ZNF26: variants seen among roughly 807,000 people sequenced by gnomAD.
ZNF26 encodes the protein epididymis luminal protein 179.
ZNF26 carries 32 observed loss-of-function variants against 54.9 expected under a neutral mutation model. The ratio of observed to expected loss-of-function variants is 0.58; its 90% CI spans 0.44 to 0.78. The LOEUF is 0.78. Among genes scored for constraint, ZNF26 ranks in the 30% least tolerant of loss-of-function variants. ZNF26 has a pLI of 0.00. For missense variants in ZNF26, 524 were observed against 634.0 expected, an observed-to-expected ratio of 0.83 and a Z score of 1.86; for synonymous variants, 221 against 209.2, an observed-to-expected ratio of 1.06 and a Z score of -0.49.
intron 1 of ZNF26, chr12:133,006,219 G>A: frequency 1.0e-6 from 1 of 985,438 alleles, no homozygotes; most frequent in Non-Finnish European, 1.2e-6. Flanking sequence ...GTAAGGTGGA[G>A]CAAGAGATGG....
At position 133,001,659 on chromosome 12, in the gene ZNF26, A is replaced by G; in HGVS notation, c.34-5383A>G. 2 of 1,288,980 alleles carry G rather than the reference A, an allele frequency of 1.6e-6. No homozygotes were observed. Among genetic ancestry groups the G allele is most frequent in the Non-Finnish European group, 2.0e-6 (2 of 988,614 alleles). The allele number at this position is 1,288,980 out of a possible 1,614,324, so 79.8% of individuals were successfully genotyped here. On this transcript the variant is annotated intron_variant, in intron 1 of 3. Transcript: ENST00000328654. The surrounding 1 kb of genome is among the most constrained non-coding windows in gnomAD (Gnocchi z 4.7). ...TAGTGCTGCTGAGGAGGAGCCTGCT[A>G]ATGAGCTCAAGTGTCAAGTTCGGGA...
rs1593676054 is a variant in ZNF26 at position 133,015,153 on chromosome 12, A to C, written c.*3672A>C. The C allele has an allele frequency of 6.6e-6, 1 of 151,880 alleles. No individual in the cohort carries two copies. The highest frequency in any genetic ancestry group is 2.4e-5 in the African/African-American group (1 of 41,352). 9.4% of individuals were successfully genotyped at this position (151,880 alleles called of 1,614,324 possible). ...GGTGGATCACAAGGTCGGGAGTTCG[A>C]GTTCAGCCTGGCCAATATGGTGAAA... On this transcript the variant is annotated 3_prime_UTR_variant, in exon 4 of 4. Coordinates refer to ENST00000328654, the MANE Select transcript of ZNF26 (RefSeq NM_019591.4).
chr12:133,000,376 C>T (rs1953185135), intron 1 of ZNF26, among the ~76,000 whole-genome samples: 4 of 151,396 alleles, frequency 2.6e-5, no homozygotes, highest in South Asian at 4.2e-4. Context: ...CTCAGCCTCC[C>T]GAGTAGTGGG....
At chr12:133,000,590 A>T (rs1369236003) in intron 1 of ZNF26, among the ~76,000 whole-genome samples, 1 of 151,950 alleles carries the variant, frequency 6.6e-6, no homozygotes, top group Non-Finnish European at 1.5e-5. Context: ...ACACCCAGCT[A>T]ATTTTTTGTA....
chr12:133,005,739 G>A (rs1386149696), intron 1 of ZNF26: 2 of 152,212 alleles, frequency 1.3e-5, no homozygotes. Flanking sequence ...CTGGCATGCT[G>A]TCTGTCTCTC....
rs1402782967 is a variant in ZNF26, at chr12:133,024,995, A to G, written c.*13514A>G. ...TTGCTCAGGAAGGAGGTTGAGAAGG[A>G]TACTCACTTGCAAACATGGTCACAT... On this transcript the variant is annotated 3_prime_UTR_variant, in exon 4 of 4. Coordinates refer to ENST00000328654, the MANE Select transcript of ZNF26 (RefSeq NM_019591.4). 1 of 152,226 alleles carries G rather than the reference A, an allele frequency of 6.6e-6. No homozygotes were observed. The highest frequency in any genetic ancestry group is 2.4e-5 in the African/African-American group (1 of 41,454). 9.4% of individuals were successfully genotyped at this position (152,226 alleles called of 1,614,324 possible).
chr12:133,010,658 G>A lies in ZNF26; in HGVS notation c.779G>A (p.Cys260Tyr). 1 of 1,614,160 alleles carries A rather than the reference G, an allele frequency of 6.2e-7. No homozygotes were observed. Among genetic ancestry groups the A allele is most frequent in the South Asian group, 1.1e-5 (1 of 91,092 alleles). ...CACACAGGAGGGAAACCCTATGGCT[G>A]CAGTGAATGTGGGAAAGCCTACAGT... is the stretch of plus-strand genomic sequence containing the variant. ...EIHTGGKPYG[C>Y]SECGKAYSWK... The change falls in exon 4 of 4, where the codon TGC becomes TAC. Residue 260 changes from cysteine to tyrosine, a missense_variant. Physicochemically the swap from Cys to Tyr is radical, Grantham distance 194. Transcript: ENST00000328654.
intron 1 of ZNF26, among the ~76,000 whole-genome samples, chr12:132,992,023 C>T (rs1230918736): frequency 6.6e-6 from 1 of 151,998 alleles, no homozygotes; most frequent in African/African-American, 2.4e-5. Flanking sequence ...TGGTGCGTGC[C>T]TGTAGGCCTG....
chr12:133,010,070 C>T (rs1243127339), intron 3 of ZNF26, 66 bp from the exon 4 acceptor site: 1 of 1,480,970 alleles, frequency 6.8e-7, no homozygotes, highest in African/African-American at 1.4e-5. Flanking sequence ...AGTCCTAATA[C>T]TGTTTAATTC....
chr12:132,996,455 A>G (rs940095991), intron 1 of ZNF26, among the ~76,000 whole-genome samples: 2 of 152,220 alleles, frequency 1.3e-5, no homozygotes, highest in Admixed American at 1.3e-4. Context: ...TTTAAAAAAG[A>G]TAAGAGTATT....
chr12:133,003,065 C>T (rs1422995161), intron 1 of ZNF26, among the ~76,000 whole-genome samples: 2 of 152,044 alleles, frequency 1.3e-5, no homozygotes, highest in African/African-American at 4.8e-5. Flanking sequence ...ACAGTTCACA[C>T]CTCATTCTCA....
chr12:133,011,538 GACAGGA>G lies in ZNF26; in HGVS notation c.*58_*63del. 2.0e-6 allele frequency: 3 copies of G among 1,476,476 alleles called. No homozygotes were observed. Among genetic ancestry groups the G allele is most frequent in the South Asian group, 1.5e-5 (1 of 65,020 alleles). The allele number at this position is 1,476,476 out of a possible 1,614,324, so 91.5% of individuals were successfully genotyped here. On this transcript the variant is annotated 3_prime_UTR_variant, in exon 4 of 4. Coordinates refer to ENST00000328654, the MANE Select transcript of ZNF26 (RefSeq NM_019591.4). ...TGTTCAGGAGACTTCGGATAATATA[GACAGGA>G]TTTACAAGCAGGAGGCCCTAAAATT... is the stretch of plus-strand genomic sequence containing the variant.
chr12:132,988,679 A>G (rs201133247), intron 1 of ZNF26, among the ~76,000 whole-genome samples: 2 of 152,170 alleles, frequency 1.3e-5, no homozygotes, highest in Non-Finnish European at 2.9e-5. Flanking sequence ...ACTTGCTGGG[A>G]TTTTAACTGA....
At chr12:133,000,720 G>A (rs111844292) in intron 1 of ZNF26, among the ~76,000 whole-genome samples, 2,115 of 151,934 alleles carry the variant, frequency 0.014, 41 homozygotes, top group African/African-American at 0.048. Flanking sequence ...CACTGTGCCC[G>A]GCCTAATTTT....
chr12:132,990,532 G>T (rs1045340077), intron 1 of ZNF26, among the ~76,000 whole-genome samples: 1 of 152,048 alleles, frequency 6.6e-6, no homozygotes, highest in South Asian at 2.1e-4. Context: ...TCTGGTTTTG[G>T]TATTAGAGCG....
intron 1 of ZNF26, chr12:133,006,226 A>T: frequency 1.0e-6 from 1 of 985,406 alleles, no homozygotes; most frequent in African/African-American, 1.7e-5. Flanking sequence ...GGAGCAAGAG[A>T]TGGAAGCCCC....
In ZNF26 at chr12:132,999,084, T is replaced by C. The variant is rs1014463236; in HGVS notation, c.34-7958T>C. Among the ~76,000 whole-genome samples the C allele has an allele frequency of 1.4e-4, 21 of 152,260 alleles. No homozygotes were observed. In the East Asian group the frequency reaches 4.1e-3, roughly 29 times the overall value. On this transcript the variant is annotated intron_variant, in intron 1 of 3. Coordinates refer to ENST00000328654, the MANE Select transcript of ZNF26 (RefSeq NM_019591.4). The stretch of plus-strand genomic sequence containing the variant: ...TGCCATCCACAAATCAAGCAGCTCT[T>C]TGTCAGTCAGGTGAGAGCTGTTTAT...
chr12:133,009,053 A>T (rs1953409010), intron 3 of ZNF26, among the ~76,000 whole-genome samples: 1 of 152,134 alleles, frequency 6.6e-6, no homozygotes, highest in Non-Finnish European at 1.5e-5. Flanking sequence ...GCCATGAGGG[A>T]TCTGCCCCCA....
At position 133,010,236 on chromosome 12, in the gene ZNF26, C is replaced by T. The variant is rs1202391057; in HGVS notation, c.357C>T (p.Thr119=). Residue 119 remains threonine (T), a synonymous_variant, in exon 4 of 4, where the codon ACC becomes ACT. Coordinates refer to ENST00000328654, the MANE Select transcript of ZNF26 (RefSeq NM_019591.4). ...TGGGAAGACTTAATCTGAGCAAAAC[C>T]CATGATTCTTCAAGACAGAGACTCT... ...SVLGRLNLSK[T]HDSSRQRLYN... 3.0e-5 allele frequency: 48 copies of T among 1,613,658 alleles called. 1 individual carries two copies. The South Asian group carries it at 4.1e-4, about 14-fold the overall frequency.
Sources: gnomAD v4.1 joint callset for allele counts (sites outside exome capture counted in the v4.1 genomes callset) on GRCh38, gnomAD v4.1.1 for gene constraint, Gnocchi (gnomAD v3.1) non-coding constraint, MANE v1.5 for transcripts, NCBI Gene and HGNC (gene_info 2026-07-23, HGNC 2026-07-21) for gene names.